LOC400499: variants seen among roughly 807,000 people sequenced by gnomAD.
the LOC400499 span, chr16:11,431,303 G>A: frequency 1.5e-5 from 6 of 398,578 alleles, no homozygotes; most frequent in East Asian, 1.1e-4. Flanking sequence ...CCCCAATGCT[G>A]CTGCTCACTA....
At chr16:11,509,426 G>C in the LOC400499 span, among the ~76,000 whole-genome samples, 4 of 151,404 alleles carry the variant, frequency 2.6e-5, no homozygotes, top group African/African-American at 9.7e-5. Context: ...CCAACACTGA[G>C]TATCCTTTAA....
chr16:11,437,151 G>A, the LOC400499 span, among the ~76,000 whole-genome samples: 1 of 152,286 alleles, frequency 6.6e-6, no homozygotes, highest in African/African-American at 2.4e-5. Flanking sequence ...GTTGCCAGGG[G>A]GTGGAGTGTA....
chr16:11,380,509 G>C, the LOC400499 span, among the ~76,000 whole-genome samples: 15 of 152,054 alleles, frequency 9.9e-5, no homozygotes, highest in Admixed American at 3.9e-4. Flanking sequence ...CTGAAGGACA[G>C]AGCAGAGACC....
At chr16:11,398,992 C>T in the LOC400499 span, among the ~76,000 whole-genome samples, 1 of 152,286 alleles carries the variant, frequency 6.6e-6, no homozygotes, top group Admixed American at 6.5e-5. Context: ...GCCTAAGAGC[C>T]CCAGGAACCC....
chr16:11,486,379 G>A, the LOC400499 span, among the ~76,000 whole-genome samples: 2 of 133,412 alleles, frequency 1.5e-5, no homozygotes, highest in African/African-American at 6.2e-5. Flanking sequence ...GGCTGGGTGG[G>A]TGTGTGGTTT....
At chr16:11,513,509 G>A in the LOC400499 span, among the ~76,000 whole-genome samples, 1 of 151,854 alleles carries the variant, frequency 6.6e-6, no homozygotes, top group South Asian at 2.1e-4. Context: ...TTGGCTCACT[G>A]CACCTCCGCC....
At chr16:11,416,243 C>A in the LOC400499 span, among the ~76,000 whole-genome samples, 2 of 152,090 alleles carry the variant, frequency 1.3e-5, no homozygotes, top group African/African-American at 2.4e-5. Flanking sequence ...AGCCATTGCA[C>A]CCGGCCCCCA....
chr16:11,415,331 G>A, the LOC400499 span, among the ~76,000 whole-genome samples: 1 of 152,194 alleles, frequency 6.6e-6, no homozygotes, highest in African/African-American at 2.4e-5. Context: ...GTTCCCGTGG[G>A]GTGCAGCTCA....
At chr16:11,392,507 G>C in the LOC400499 span, 1 of 398,858 alleles carries the variant, frequency 2.5e-6, no homozygotes, top group African/African-American at 2.1e-5. Flanking sequence ...GCCCCCTGGA[G>C]CCAGAAAGGG....
chr16:11,512,281 C>A, the LOC400499 span, among the ~76,000 whole-genome samples: 9 of 151,006 alleles, frequency 6.0e-5, no homozygotes, highest in African/African-American at 2.2e-4. Context: ...GATTCCATCT[C>A]AAAAAAATAA....
chr16:11,460,886 C>T, the LOC400499 span: 2 of 1,440,524 alleles, frequency 1.4e-6, no homozygotes, highest in Non-Finnish European at 1.8e-6. Flanking sequence ...TATCTCAGCT[C>T]ACGGAGCCAC....
chr16:11,431,180 G>A, the LOC400499 span: 4 of 398,910 alleles, frequency 1.0e-5, no homozygotes, highest in Non-Finnish European at 1.8e-5. Flanking sequence ...GCCTTGAGGA[G>A]CAACTGTGCT....
chr16:11,479,195 G>A, the LOC400499 span, among the ~76,000 whole-genome samples: 1 of 152,298 alleles, frequency 6.6e-6, no homozygotes, highest in African/African-American at 2.4e-5. Flanking sequence ...AAAACTCCTA[G>A]AGCATGAACC....
chr16:11,516,198 C>A, the LOC400499 span: 1 of 399,808 alleles, frequency 2.5e-6, no homozygotes, highest in Non-Finnish European at 4.4e-6. Flanking sequence ...AGGCTCAGCA[C>A]AGCACGCTTC....
chr16:11,460,837 C>A, the LOC400499 span: 5 of 1,310,876 alleles, frequency 3.8e-6, no homozygotes, highest in Non-Finnish European at 5.1e-6. Context: ...CTACTCAGAG[C>A]CAACAGAATG....
At chr16:11,438,334 G>A in the LOC400499 span, among the ~76,000 whole-genome samples, 3 of 152,190 alleles carry the variant, frequency 2.0e-5, no homozygotes, top group Non-Finnish European at 4.4e-5. Flanking sequence ...TCAAGGTGAA[G>A]ATACAGACTG....
the LOC400499 span, among the ~76,000 whole-genome samples, chr16:11,488,140 T>C: frequency 6.6e-6 from 1 of 151,970 alleles, no homozygotes. Context: ...AATCAGTGTT[T>C]CGTTACCCGC....
At chr16:11,492,938 C>A in the LOC400499 span, among the ~76,000 whole-genome samples, 1 of 152,014 alleles carries the variant, frequency 6.6e-6, no homozygotes, top group Non-Finnish European at 1.5e-5. Context: ...CTAAGACGTA[C>A]AGGATGTGAA....
At chr16:11,384,799 G>A in the LOC400499 span, 2 of 1,150,460 alleles carry the variant, frequency 1.7e-6, no homozygotes, top group Non-Finnish European at 2.2e-6. Flanking sequence ...TGCATGCACG[G>A]TAGCCCCCTG....
Sources: allele counts gnomAD v4.1 joint callset (sites outside exome capture counted in the v4.1 genomes callset), GRCh38; gene constraint gnomAD v4.1.1; transcripts MANE v1.5.